PGCKA1: variants seen among roughly 807,000 people sequenced by gnomAD.
PGCKA1 encodes PDCD10 and GCKIII kinases associated 1.
the PGCKA1 span, among the ~76,000 whole-genome samples, chr4:37,468,709 G>A: frequency 2.0e-5 from 3 of 151,348 alleles, no homozygotes; most frequent in South Asian, 2.1e-4. Context: ...CATTATTTAC[G>A]TTACCATCTG....
the PGCKA1 span, among the ~76,000 whole-genome samples, chr4:37,464,749 T>C: frequency 6.6e-6 from 1 of 152,236 alleles, no homozygotes; most frequent in African/African-American, 2.4e-5. Context: ...CATTATGAAA[T>C]TGTCTACTTA....
chr4:37,492,416 T>C, the PGCKA1 span, among the ~76,000 whole-genome samples: 1 of 152,214 alleles, frequency 6.6e-6, no homozygotes, highest in Non-Finnish European at 1.5e-5. This position sits in a 1 kb window ranked among gnomAD's most constrained non-coding sequence, Gnocchi z 4.7. Flanking sequence ...TGATTCTCAC[T>C]GGAATGATCT....
the PGCKA1 span, among the ~76,000 whole-genome samples, chr4:37,569,979 CTTTTTTTT>C: frequency 8.4e-6 from 1 of 119,280 alleles, no homozygotes; most frequent in African/African-American, 3.2e-5. Flanking sequence ...GCATATAATC[CTTTTTTTT>C]TTTTTTTTTT....
At chr4:37,540,349 T>G in the PGCKA1 span, among the ~76,000 whole-genome samples, 2 of 152,168 alleles carry the variant, frequency 1.3e-5, no homozygotes, top group Non-Finnish European at 2.9e-5. Context: ...AAAAAGAAAG[T>G]TTTTGTACTT....
At chr4:37,496,898 T>C in the PGCKA1 span, among the ~76,000 whole-genome samples, 3 of 152,174 alleles carry the variant, frequency 2.0e-5, no homozygotes, top group Non-Finnish European at 4.4e-5. Flanking sequence ...GCTCTTGGTT[T>C]GATGGTTGTT....
chr4:37,550,546 C>G, the PGCKA1 span, among the ~76,000 whole-genome samples: 1 of 152,096 alleles, frequency 6.6e-6, no homozygotes, highest in Non-Finnish European at 1.5e-5. Flanking sequence ...ACAAACCCCT[C>G]ACACCCAAAA....
chr4:37,546,282 A>G, the PGCKA1 span, among the ~76,000 whole-genome samples: 1 of 152,248 alleles, frequency 6.6e-6, no homozygotes, highest in Non-Finnish European at 1.5e-5. Flanking sequence ...AATCAAAGAC[A>G]GGCAGCCTGG....
At chr4:37,592,579 C>A in the PGCKA1 span, among the ~76,000 whole-genome samples, 13 of 152,102 alleles carry the variant, frequency 8.5e-5, no homozygotes, top group Non-Finnish European at 1.9e-4. Flanking sequence ...AATTTAAAGG[C>A]ATTAAGGATG....
the PGCKA1 span, among the ~76,000 whole-genome samples, chr4:37,546,748 G>A: frequency 6.6e-6 from 1 of 152,226 alleles, no homozygotes; most frequent in Admixed American, 6.5e-5. Flanking sequence ...GGCCTGCCCT[G>A]TGGAGCATCC....
At chr4:37,508,384 C>T in the PGCKA1 span, among the ~76,000 whole-genome samples, 1 of 151,906 alleles carries the variant, frequency 6.6e-6, no homozygotes, top group African/African-American at 2.4e-5. Context: ...CGTAGGTATG[C>T]TTCATTCTTT....
chr4:37,467,014 C>A, the PGCKA1 span, among the ~76,000 whole-genome samples: 1 of 152,152 alleles, frequency 6.6e-6, no homozygotes, highest in South Asian at 2.1e-4. Flanking sequence ...AGGAGAATCG[C>A]TTCAACCCGG....
chr4:37,489,936 A>C, the PGCKA1 span, among the ~76,000 whole-genome samples: 1 of 152,138 alleles, frequency 6.6e-6, no homozygotes, highest in African/African-American at 2.4e-5. Flanking sequence ...TGACCTTCTG[A>C]GATTGACTGA....
At chr4:37,591,121 T>G in the PGCKA1 span, 1 of 774,034 alleles carries the variant, frequency 1.3e-6, no homozygotes, top group Non-Finnish European at 2.1e-6. Context: ...ACCAGTTGTT[T>G]ACATCCAGCA....
the PGCKA1 span, among the ~76,000 whole-genome samples, chr4:37,490,239 G>T: frequency 6.6e-6 from 1 of 152,116 alleles, no homozygotes; most frequent in East Asian, 1.9e-4. Flanking sequence ...TTATGGGTGA[G>T]GAACCATAGG....
chr4:37,574,906 C>T, the PGCKA1 span, among the ~76,000 whole-genome samples: 2 of 152,182 alleles, frequency 1.3e-5, no homozygotes, highest in African/African-American at 4.8e-5. Context: ...ACATAACAAC[C>T]TCCTGTTCTA....
chr4:37,556,610 C>T, the PGCKA1 span, among the ~76,000 whole-genome samples: 2 of 152,094 alleles, frequency 1.3e-5, no homozygotes, highest in Admixed American at 1.3e-4. Context: ...TGTTTCAGTG[C>T]CTGGCTCAGG....
the PGCKA1 span, among the ~76,000 whole-genome samples, chr4:37,587,594 A>G: frequency 2.6e-5 from 4 of 152,214 alleles, no homozygotes; most frequent in Non-Finnish European, 5.9e-5. Flanking sequence ...ACAGCCAGCA[A>G]TGAATGATGT....
At chr4:37,516,168 G>A in the PGCKA1 span, among the ~76,000 whole-genome samples, 22 of 152,322 alleles carry the variant, frequency 1.4e-4, no homozygotes, top group African/African-American at 4.6e-4. Flanking sequence ...GCAAGTGGCT[G>A]GCGCCGTAAA....
At chr4:37,531,658 C>T in the PGCKA1 span, among the ~76,000 whole-genome samples, 10 of 151,290 alleles carry the variant, frequency 6.6e-5, no homozygotes, top group East Asian at 9.7e-4. Flanking sequence ...TTTGGGAGGC[C>T]GAGGCGGGCG....
Sources: gnomAD v4.1 joint callset for allele counts (sites outside exome capture counted in the v4.1 genomes callset) on GRCh38, gnomAD v4.1.1 for gene constraint, Gnocchi (gnomAD v3.1) non-coding constraint, MANE v1.5 for transcripts, NCBI Gene and HGNC (gene_info 2026-07-23, HGNC 2026-07-21) for gene names.